SYT14: variants seen among roughly 807,000 people sequenced by gnomAD.
SYT14 encodes synaptotagmin 14, also known as synaptotagmin-14.
SYT14 carries 32 observed loss-of-function variants against 74.2 expected under a neutral mutation model. That is an observed-to-expected ratio of 0.43 (90% CI 0.33 to 0.58). The LOEUF is 0.58. Ranked by LOEUF, SYT14 falls within the 20% of genes least tolerant of loss-of-function variation. The probability of loss-of-function intolerance (pLI) is 0.05; values close to 1 mark genes in which losing one functional copy is unlikely to be tolerated. For synonymous variants in SYT14, 298 were observed against 337.7 expected (o/e 0.88, Z 1.29); for missense variants, 791 against 981.8 (o/e 0.81, Z 2.60).
chr1:210,153,964 T>C (rs2083218907), intron 7 of SYT14, among the ~76,000 whole-genome samples: 1 of 152,198 alleles, frequency 6.6e-6, no homozygotes, highest in African/African-American at 2.4e-5. Flanking sequence ...ATAATGCCCT[T>C]ATTAGATTTT....
At chr1:210,021,670 T>A (rs1023810092) in intron 5 of SYT14, among the ~76,000 whole-genome samples, 1 of 152,194 alleles carries the variant, frequency 6.6e-6, no homozygotes, top group Non-Finnish European at 1.5e-5. Flanking sequence ...TCAATATGGC[T>A]CCTAAACACC....
At chr1:209,988,369 C>T (rs951957209) in intron 2 of SYT14, among the ~76,000 whole-genome samples, 2 of 152,180 alleles carry the variant, frequency 1.3e-5, no homozygotes, top group African/African-American at 2.4e-5. Context: ...AATATATCAT[C>T]ATAATTGTTA....
At chr1:209,989,360 G>A (rs560958298) in intron 2 of SYT14, among the ~76,000 whole-genome samples, 1 of 152,276 alleles carries the variant, frequency 6.6e-6, no homozygotes, top group Non-Finnish European at 1.5e-5. Flanking sequence ...AGAGGAGACA[G>A]AAATTTGATT....
intron 5 of SYT14, among the ~76,000 whole-genome samples, chr1:210,028,046 T>C (rs1345333645): frequency 6.6e-6 from 1 of 152,110 alleles, no homozygotes; most frequent in Non-Finnish European, 1.5e-5. Flanking sequence ...TTTATACCCA[T>C]TAAAAAATAA....
intron 7 of SYT14, among the ~76,000 whole-genome samples, chr1:210,146,861 A>G (rs996750000): frequency 2.0e-5 from 3 of 151,616 alleles, no homozygotes; most frequent in Non-Finnish European, 2.9e-5. Context: ...CATATATACT[A>G]TATGTATGTA....
At chr1:209,939,951 C>T (rs1248595209) in intron 1 of SYT14, among the ~76,000 whole-genome samples, 9 of 152,144 alleles carry the variant, frequency 5.9e-5, no homozygotes, top group African/African-American at 1.9e-4. Flanking sequence ...TTTACTCTGC[C>T]TACTGCTTAA....
intron 5 of SYT14, among the ~76,000 whole-genome samples, chr1:210,042,307 A>G (rs1178146974): frequency 6.6e-6 from 1 of 152,162 alleles, no homozygotes; most frequent in Non-Finnish European, 1.5e-5. Context: ...CCATACAGAG[A>G]AGGATGTTTA....
rs537047668 is a variant in SYT14, at chr1:210,036,510, CAGTTCTTA to C, written c.1312+15259_1312+15266del. Among the ~76,000 whole-genome samples the C allele has an allele frequency of 2.0e-4, 31 of 151,998 alleles. No individual in the cohort carries two copies. In the East Asian group the frequency reaches 5.8e-3, roughly 28 times the overall value. ...GAAAGTGGGCATCCTTGTCTTGTTC[CAGTTCTTA>C]AGGGGGAATGCTTTCTTTTACCTAT... On this transcript the variant is annotated intron_variant, in intron 5 of 9. Coordinates refer to ENST00000637265, the Ensembl canonical transcript of SYT14.
intron 7 of SYT14, among the ~76,000 whole-genome samples, chr1:210,154,977 T>C (rs2083239159): frequency 6.6e-6 from 1 of 152,196 alleles, no homozygotes; most frequent in African/African-American, 2.4e-5. Flanking sequence ...TTACTGAATT[T>C]GGTCAGTTAA....
chr1:210,001,636 TAAG>T (rs71777141), intron 2 of SYT14, among the ~76,000 whole-genome samples: 7,582 of 152,152 alleles, frequency 0.05, 1,016 homozygotes, highest in East Asian at 0.41. Flanking sequence ...TTTTAGAAGA[TAAG>T]AGATACAAAA....
intron 7 of SYT14, among the ~76,000 whole-genome samples, chr1:210,155,281 T>C (rs1345908613): frequency 1.3e-5 from 2 of 152,210 alleles, no homozygotes; most frequent in Admixed American, 6.5e-5. Flanking sequence ...CTTTTCTATA[T>C]CTCTGTGTTT....
exon 10 of SYT14, chr1:210,162,912 A>C: frequency 2.2e-6 from 1 of 453,152 alleles, no homozygotes; most frequent in Non-Finnish European, 4.4e-6. Context: ...TTATTGTTAC[A>C]TCAATGAGCT....
chr1:210,132,775 A>G (rs1281459109), intron 7 of SYT14, among the ~76,000 whole-genome samples: 7 of 152,096 alleles, frequency 4.6e-5, no homozygotes, highest in Admixed American at 3.9e-4. Flanking sequence ...AGAGAAACTG[A>G]GTGGTGGAAC....
chr1:210,024,011 G>A (rs1398176728), intron 5 of SYT14, among the ~76,000 whole-genome samples: 1 of 152,210 alleles, frequency 6.6e-6, no homozygotes, highest in Non-Finnish European at 1.5e-5. Context: ...AAGCAGGAGA[G>A]TGTGATAAAA....
At chr1:209,964,321 C>T (rs950515898) in intron 2 of SYT14, among the ~76,000 whole-genome samples, 10 of 152,080 alleles carry the variant, frequency 6.6e-5, no homozygotes, top group African/African-American at 1.9e-4. Context: ...GTCAATTAAA[C>T]TTCCTTTCTT....
chr1:210,118,945 T>A (rs1490861102), intron 7 of SYT14, among the ~76,000 whole-genome samples: 2 of 152,140 alleles, frequency 1.3e-5, no homozygotes, highest in African/African-American at 4.8e-5. Context: ...AAAATAACAA[T>A]AAAGTATACA....
chr1:210,094,691 A>T, intron 6 of SYT14, 98 bp downstream of exon 5: 1 of 1,364,488 alleles, frequency 7.3e-7, no homozygotes, highest in Non-Finnish European at 1.0e-6. Flanking sequence ...TTTATCACTT[A>T]TTCCTTTGTA....
At chr1:209,953,999 T>A (rs565040406) in intron 2 of SYT14, among the ~76,000 whole-genome samples, 25 of 152,356 alleles carry the variant, frequency 1.6e-4, no homozygotes, top group Admixed American at 1.6e-3. Context: ...TTCTGCTGTA[T>A]ACATAAATCC....
chr1:209,975,379 C>T (rs957838478), intron 2 of SYT14, among the ~76,000 whole-genome samples: 1 of 152,152 alleles, frequency 6.6e-6, no homozygotes, highest in Non-Finnish European at 1.5e-5. Flanking sequence ...GAGATACATC[C>T]CATCAATACC....
Sources: allele counts gnomAD v4.1 joint callset (sites outside exome capture counted in the v4.1 genomes callset), GRCh38; gene constraint gnomAD v4.1.1; transcripts MANE v1.5; gene names NCBI Gene and HGNC (gene_info 2026-07-23, HGNC 2026-07-21).